Variants in PPP3R1 observed in about 807,000 individuals in gnomAD.
PPP3R1 encodes protein phosphatase 3 regulatory subunit B, alpha.
A neutral mutation model predicts 22.6 loss-of-function variants in PPP3R1; 5 were observed. That is an observed-to-expected ratio of 0.22 (90% CI 0.12 to 0.46). The LOEUF is 0.46. PPP3R1 is among the 20% of genes least tolerant of loss of function. The probability of loss-of-function intolerance (pLI) is 0.99; values close to 1 mark genes in which losing one functional copy is unlikely to be tolerated. For synonymous variants in PPP3R1, 56 were observed against 65.2 expected (o/e 0.86, Z 0.68); for missense variants, 61 against 203.2 (o/e 0.30, Z 4.25).
At chr2:68,215,988 T>C (rs1669572177) in intron 2 of PPP3R1, among the ~76,000 whole-genome samples, 1 of 152,190 alleles carries the variant, frequency 6.6e-6, no homozygotes, top group South Asian at 2.1e-4. Context: ...TAGTTGTTTT[T>C]TAGACTTAAT....
intron 1 of PPP3R1, among the ~76,000 whole-genome samples, chr2:68,229,957 T>A (rs1669857034): frequency 8.4e-6 from 1 of 119,328 alleles, no homozygotes; most frequent in African/African-American, 3.1e-5. Context: ...TATGTGTGTG[T>A]GTATATATAC....
intron 1 of PPP3R1, among the ~76,000 whole-genome samples, chr2:68,224,943 A>C (rs754704002): frequency 6.6e-6 from 1 of 152,266 alleles, no homozygotes; most frequent in Non-Finnish European, 1.5e-5. Flanking sequence ...AAGACATTTA[A>C]TATCACTAGA....
intron 1 of PPP3R1, among the ~76,000 whole-genome samples, chr2:68,237,928 CTTTA>C (rs1400172559): frequency 6.6e-6 from 1 of 152,030 alleles, no homozygotes; most frequent in Non-Finnish European, 1.5e-5. Context: ...TTTGAGTTTC[CTTTA>C]TTTATGAAAA....
At chr2:68,191,466 G>T (rs907448931) in intron 2 of PPP3R1, among the ~76,000 whole-genome samples, 1 of 152,234 alleles carries the variant, frequency 6.6e-6, no homozygotes, top group South Asian at 2.1e-4. Flanking sequence ...AAAGGAGCTT[G>T]TGGGACAGAA....
chr2:68,196,945 G>T (rs1214838182), intron 2 of PPP3R1, among the ~76,000 whole-genome samples: 1 of 152,120 alleles, frequency 6.6e-6, no homozygotes, highest in African/African-American at 2.4e-5. Flanking sequence ...GTCTGGTCTT[G>T]AACTTCTGAC....
At chr2:68,198,148 T>G (rs373070159) in intron 2 of PPP3R1, among the ~76,000 whole-genome samples, 1 of 124,978 alleles carries the variant, frequency 8.0e-6, no homozygotes, top group African/African-American at 3.0e-5. Flanking sequence ...ACATATACAA[T>G]ACACATATAT....
chr2:68,181,058 C>G, intron 5 of PPP3R1, 48 bp from the exon 6 acceptor site: 1 of 1,559,896 alleles, frequency 6.4e-7, no homozygotes, highest in Non-Finnish European at 8.8e-7. Flanking sequence ...TGAGAAACTC[C>G]TCATTCGTGG....
chr2:68,250,858 TTCAC>T (rs1396873833), intron 1 of PPP3R1: 5 of 152,188 alleles, frequency 3.3e-5, no homozygotes, highest in African/African-American at 1.2e-4. Context: ...TAAAATCGAT[TTCAC>T]CAAATCGATT....
At chr2:68,245,269 G>A (rs1421360950) in intron 1 of PPP3R1, among the ~76,000 whole-genome samples, 1 of 152,140 alleles carries the variant, frequency 6.6e-6, no homozygotes, top group Non-Finnish European at 1.5e-5. Context: ...GGCTGAGGAG[G>A]GAGGATGGCT....
chr2:68,238,224 A>T (rs1276424296), intron 1 of PPP3R1, among the ~76,000 whole-genome samples: 1 of 152,162 alleles, frequency 6.6e-6, no homozygotes, highest in Non-Finnish European at 1.5e-5. Flanking sequence ...TGAAAAAAAA[A>T]ATGCATCCAC....
chr2:68,192,764 A>T (rs1450840330), intron 2 of PPP3R1, among the ~76,000 whole-genome samples: 1 of 152,174 alleles, frequency 6.6e-6, no homozygotes, highest in East Asian at 1.9e-4. Flanking sequence ...TACATTTTCT[A>T]GTGGCTTTCT....
chr2:68,238,085 G>A (rs917179724), intron 1 of PPP3R1, among the ~76,000 whole-genome samples: 4 of 151,990 alleles, frequency 2.6e-5, no homozygotes, highest in Non-Finnish European at 4.4e-5. Context: ...AACACACTGG[G>A]GGTTTTCTAA....
chr2:68,243,627 C>A (rs1485889789), intron 1 of PPP3R1, among the ~76,000 whole-genome samples: 1 of 152,022 alleles, frequency 6.6e-6, no homozygotes, highest in African/African-American at 2.4e-5. Flanking sequence ...TTATTTTCCC[C>A]AGAGTAATTT....
chr2:68,228,830 T>C (rs1669833025), intron 1 of PPP3R1, among the ~76,000 whole-genome samples: 2 of 152,100 alleles, frequency 1.3e-5, no homozygotes, highest in Non-Finnish European at 2.9e-5. Context: ...CCCACAACTT[T>C]GGTATGTTGT....
At chr2:68,197,843 G>C (rs1572956177) in intron 2 of PPP3R1, among the ~76,000 whole-genome samples, 1 of 151,348 alleles carries the variant, frequency 6.6e-6, no homozygotes, top group East Asian at 1.9e-4. Context: ...TTCCCTTTAT[G>C]ATTCCTGTTT....
At chr2:68,228,345 CT>C (rs1669826316) in intron 1 of PPP3R1, among the ~76,000 whole-genome samples, 1 of 152,046 alleles carries the variant, frequency 6.6e-6, no homozygotes, top group African/African-American at 2.4e-5. Flanking sequence ...CCATAGTTAT[CT>C]TTTTTGGATT....
intron 2 of PPP3R1, among the ~76,000 whole-genome samples, chr2:68,208,027 G>A (rs1310347774): frequency 2.6e-5 from 4 of 152,080 alleles, no homozygotes; most frequent in African/African-American, 4.8e-5. Context: ...GTGGTGGTGG[G>A]TGCCTGTAAT....
Position 68,252,249 on chromosome 2 carries a change from GGC to G in PPP3R1, c.-124_-123del. 1 of 1,086,116 alleles carries G rather than the reference GGC, an allele frequency of 9.2e-7. No individual in the cohort carries two copies. The highest frequency in any genetic ancestry group is 1.1e-6 in the Non-Finnish European group (1 of 893,116). The allele number at this position is 1,086,116 out of a possible 1,614,324, so 67.3% of individuals were successfully genotyped here. On this transcript the variant is annotated 5_prime_UTR_variant, in exon 1 of 6. Coordinates refer to ENST00000234310, the MANE Select transcript of PPP3R1 (RefSeq NM_000945.4). ...GCCCTCGGGTCGCCGGCGGGGAGGG[GGC>G]GCGCGTGGGGGAGGGGAGGCGGCGC...
chr2:68,215,013 C>A (rs1221361525), intron 2 of PPP3R1, among the ~76,000 whole-genome samples: 2 of 152,076 alleles, frequency 1.3e-5, no homozygotes, highest in Non-Finnish European at 2.9e-5. Flanking sequence ...AAACCATTAT[C>A]CTAAGCAAAC....
Sources: allele counts gnomAD v4.1 joint callset (sites outside exome capture counted in the v4.1 genomes callset), GRCh38; gene constraint gnomAD v4.1.1; transcripts MANE v1.5; gene names NCBI Gene and HGNC (gene_info 2026-07-23, HGNC 2026-07-21).